Variants in BBS9 observed in about 807,000 individuals in gnomAD.
The protein encoded by BBS9 is Bardet-Biedl syndrome 9.
A neutral mutation model predicts 117.7 loss-of-function variants in BBS9; 89 were observed. The ratio of observed to expected loss-of-function variants is 0.76; its 90% confidence interval spans 0.64 to 0.90. The LOEUF (loss-of-function observed/expected upper bound fraction) is 0.90. Ranked by LOEUF, BBS9 falls within the 40% of genes least tolerant of loss-of-function variation. The pLI is 0.00. For synonymous variants in BBS9, 379 were observed against 370.9 expected (o/e 1.02, Z -0.25); for missense variants, 982 against 1,042.2 (o/e 0.94, Z 0.80).
chr7:33,627,884 A>C (rs1468825252), intron 21 of BBS9, among the ~76,000 whole-genome samples: 2 of 152,132 alleles, frequency 1.3e-5, no homozygotes, highest in African/African-American at 4.8e-5. Context: ...CTGTACAAAA[A>C]AATAAAAGAA....
At chr7:33,561,925 G>A (rs927244932) in intron 21 of BBS9, among the ~76,000 whole-genome samples, 1 of 152,126 alleles carries the variant, frequency 6.6e-6, no homozygotes, top group African/African-American at 2.4e-5. Context: ...ATATTACATA[G>A]ACATGTTACC....
intron 4 of BBS9, among the ~76,000 whole-genome samples, chr7:33,162,880 G>A (rs13227642): frequency 0.18 from 26,830 of 152,026 alleles, 2,797 homozygotes; most frequent in East Asian, 0.43. Flanking sequence ...AATAGGAGTC[G>A]TGAGAGAGGG....
intron 17 of BBS9, among the ~76,000 whole-genome samples, chr7:33,370,036 G>A (rs1031122705): frequency 6.6e-6 from 1 of 152,088 alleles, no homozygotes; most frequent in Non-Finnish European, 1.5e-5. Context: ...GCTGTATGGC[G>A]ATTTTAGTTC....
chr7:33,310,027 T>C (rs1038313284), intron 9 of BBS9, among the ~76,000 whole-genome samples: 1 of 152,224 alleles, frequency 6.6e-6, no homozygotes, highest in African/African-American at 2.4e-5. Flanking sequence ...AACAAATATC[T>C]GTGTGTCTGC....
At chr7:33,518,635 A>G (rs1375760738) in intron 20 of BBS9, among the ~76,000 whole-genome samples, 6 of 152,272 alleles carry the variant, frequency 3.9e-5, no homozygotes, top group African/African-American at 1.4e-4. Flanking sequence ...AAAACCCCCC[A>G]TAGTATTTAG....
Position 33,563,381 on chromosome 7 carries a change from A to C in BBS9, c.2521+29205A>C, listed in dbSNP as rs1856379166. Among the ~76,000 whole-genome samples the C allele has an allele frequency of 2.0e-5, 3 of 152,204 alleles. No homozygotes were observed. The South Asian group carries it at 6.2e-4, about 32-fold the overall frequency. On this transcript the variant is annotated intron_variant, in intron 21 of 22. Coordinates refer to ENST00000242067, the MANE Select transcript of BBS9 (RefSeq NM_198428.3). Reference sequence around the variant, plus strand: ...TGTTTCACAAACAACTATGGCCATCATTCTAAGAGATTGCTTTTAAAAGAA... The same window carrying C: ...TGTTTCACAAACAACTATGGCCATCCTTCTAAGAGATTGCTTTTAAAAGAA...
intron 9 of BBS9, among the ~76,000 whole-genome samples, chr7:33,311,583 G>A (rs1318537633): frequency 6.6e-6 from 1 of 151,960 alleles, no homozygotes; most frequent in Non-Finnish European, 1.5e-5. Flanking sequence ...TACATATTCC[G>A]AGGCAGGCAG....
intron 15 of BBS9, among the ~76,000 whole-genome samples, chr7:33,356,233 A>G (rs1168499971): frequency 6.6e-6 from 1 of 151,858 alleles, no homozygotes; most frequent in East Asian, 1.9e-4. Flanking sequence ...GTGTATTTCC[A>G]TAATTTGAGG....
Position 33,349,088 on chromosome 7 carries a change from GATAT to G in BBS9, c.1351_1354del (p.Ile451CysfsTer14), listed in dbSNP as rs750813392. The G allele has an allele frequency of 2.5e-6, 4 of 1,610,064 alleles. No homozygotes were observed. The African/African-American group carries it at 5.3e-5, about 22-fold the overall frequency. ...CTTAGGTCACACTGCAGAACAGAGT[GATAT>G]TGCAAAAAGCCAAATTATCAGTCTA... is the stretch of plus-strand genomic sequence containing the variant. On this transcript the variant is annotated frameshift_variant, in exon 13 of 23. Transcript: ENST00000242067. LOFTEE classifies it high-confidence loss of function.
intron 5 of BBS9, among the ~76,000 whole-genome samples, chr7:33,212,803 T>C (rs751471815): frequency 6.6e-6 from 1 of 152,144 alleles, no homozygotes; most frequent in Non-Finnish European, 1.5e-5. Context: ...TCTGGAGGAA[T>C]TCTCTGGAAT....
chr7:33,408,163 C>T (rs182448186), intron 19 of BBS9, among the ~76,000 whole-genome samples: 3,292 of 152,302 alleles, frequency 0.022, 125 homozygotes, highest in African/African-American at 0.075. Context: ...CCCCCAGCCT[C>T]GCTGCCACCT....
intron 9 of BBS9, among the ~76,000 whole-genome samples, chr7:33,277,598 T>C (rs1028715667): frequency 3.9e-5 from 6 of 152,172 alleles, no homozygotes; most frequent in Non-Finnish European, 7.3e-5. Flanking sequence ...TCAATCTCAT[T>C]GAAGGCTCAT....
chr7:33,444,854 G>A (rs910463194), intron 19 of BBS9, among the ~76,000 whole-genome samples: 42 of 152,286 alleles, frequency 2.8e-4, no homozygotes, highest in African/African-American at 9.6e-4. Context: ...TGAAGACAAA[G>A]CCTTATCAAT....
intron 21 of BBS9, among the ~76,000 whole-genome samples, chr7:33,564,028 A>C (rs1254492065): frequency 2.4e-5 from 3 of 124,116 alleles, no homozygotes; most frequent in African/African-American, 1.1e-4. Context: ...CTTGCCTGGA[A>C]TTCATCAATT....
At chr7:33,346,431 G>A in intron 12 of BBS9, 1 of 235,838 alleles carries the variant, frequency 4.2e-6, no homozygotes, top group Non-Finnish European at 8.8e-6. Flanking sequence ...ATAAAAATTT[G>A]GTATTATATT....
rs771575427 is a variant in BBS9, at chr7:33,383,695, G to A, written c.1819G>A (p.Glu607Lys). ...QRYRIQSEQF[E>K]DLWLITNELI... The stretch of plus-strand genomic sequence containing the variant: ...ATATCGCATTCAGAGTGAACAATTT[G>A]AAGATCTTTGGCTCATAACCAATGA... Residue 607 changes from glutamate (E) to lysine (K), a missense_variant, in exon 18 of 23, where the codon GAA becomes AAA. Transcript: ENST00000242067. 8 of 1,609,650 alleles carry A rather than the reference G, an allele frequency of 5.0e-6. No homozygotes were observed.
chr7:33,297,235 T>C (rs1241386853), intron 9 of BBS9, among the ~76,000 whole-genome samples: 1 of 152,176 alleles, frequency 6.6e-6, no homozygotes, highest in Non-Finnish European at 1.5e-5. Context: ...TTTGCTCCTA[T>C]GAACTTACCT....
At chr7:33,203,237 C>T (rs975929328) in intron 5 of BBS9, among the ~76,000 whole-genome samples, 4 of 152,156 alleles carry the variant, frequency 2.6e-5, no homozygotes, top group African/African-American at 9.7e-5. Flanking sequence ...AGAGAAGAGA[C>T]AAAACTCTAC....
chr7:33,526,839 T>A (rs1849591889), intron 20 of BBS9, among the ~76,000 whole-genome samples: 1 of 151,952 alleles, frequency 6.6e-6, no homozygotes, highest in South Asian at 2.1e-4. Context: ...TTTTAGAGTT[T>A]CCAGTTTTTC....
Sources: allele counts gnomAD v4.1 joint callset (sites outside exome capture counted in the v4.1 genomes callset), GRCh38; gene constraint gnomAD v4.1.1; transcripts MANE v1.5; gene names NCBI Gene and HGNC (gene_info 2026-07-23, HGNC 2026-07-21).